Variants in LRRC74A observed in about 807,000 individuals in gnomAD.
LRRC74A encodes leucine rich repeat containing 74A, also known as leucine-rich repeat-containing protein 74A.
Under a neutral mutation model 57.9 loss-of-function variants are expected in LRRC74A, and 44 were observed. The ratio of observed to expected loss-of-function variants is 0.76; its 90% CI spans 0.60 to 0.98. The LOEUF is 0.98. LRRC74A is among the 50% of genes least tolerant of loss of function. LRRC74A has a pLI of 0.00. For synonymous variants in LRRC74A, 211 were observed against 219.4 expected (o/e 0.96, Z 0.34); for missense variants, 572 against 574.0 (o/e 1.00, Z 0.04).
intron 5 of LRRC74A, among the ~76,000 whole-genome samples, chr14:76,843,287 CAAAAAAAAAAAAAAAAA>C (rs59087508): frequency 1.1e-4 from 14 of 130,536 alleles, no homozygotes; most frequent in South Asian, 2.3e-4. Context: ...GACTCCGTCT[CAAAAAAAAAAAAAAAAA>C]AAAAAAAAAA....
In LRRC74A at chr14:76,828,314, C is replaced by A. The variant is rs200189415; in HGVS notation, c.61C>A (p.Arg21=). ...AGATGAGATTGAAATTGAGCCAGTA[C>A]GACAGAGCAGCGATAAAATGCTCTA... ...TEDEIEIEPV[R]QSSDKMLYCE... Residue 21 remains arginine, a synonymous_variant, in exon 2 of 14, where the codon CGA becomes AGA. Transcript: ENST00000689127. The A allele has an allele frequency of 2.1e-5, 33 of 1,606,580 alleles. No individual in the cohort carries two copies. The highest frequency in any genetic ancestry group is 1.7e-4 in the Middle Eastern group (1 of 6,056).
In LRRC74A at chr14:76,870,171, A is replaced by G. The variant is rs186549339; in HGVS notation, c.*22A>G. On this transcript the variant is annotated 3_prime_UTR_variant, in exon 14 of 14. Transcript: ENST00000689127. Reference sequence around the variant, plus strand: ...ATAGCAACAAGTCTGGTCTAGAAAGAAGTCTCGGCGAGAGGAGTCCTCGCA... The same window carrying G: ...ATAGCAACAAGTCTGGTCTAGAAAGGAGTCTCGGCGAGAGGAGTCCTCGCA... The G allele has an allele frequency of 3.8e-5, 61 of 1,607,964 alleles. No homozygotes were observed. In the African/African-American group the frequency reaches 7.5e-4, roughly 20 times the overall value.
At chr14:76,842,328 C>A (rs1030541434) in intron 5 of LRRC74A, among the ~76,000 whole-genome samples, 3 of 151,984 alleles carry the variant, frequency 2.0e-5, no homozygotes, top group Admixed American at 1.3e-4. Flanking sequence ...ATATTTATAT[C>A]TCCTAATTAT....
At chr14:76,829,123 A>C (rs1054124990) in intron 2 of LRRC74A, 4 of 1,289,266 alleles carry the variant, frequency 3.1e-6, no homozygotes, top group Non-Finnish European at 4.0e-6. Flanking sequence ...GAAAGAGAAC[A>C]CTTGTGAAGC....
chr14:76,831,987 A>G (rs943480116), intron 3 of LRRC74A, among the ~76,000 whole-genome samples: 2 of 152,174 alleles, frequency 1.3e-5, no homozygotes, highest in African/African-American at 4.8e-5. Flanking sequence ...AAACCTAACA[A>G]CTGCCTGTCA....
At chr14:76,852,839 G>A (rs1210668804) in intron 8 of LRRC74A, among the ~76,000 whole-genome samples, 1 of 151,998 alleles carries the variant, frequency 6.6e-6, no homozygotes, top group African/African-American at 2.4e-5. Context: ...GGCTGGTCTC[G>A]AACTCCTGAC....
intron 5 of LRRC74A, among the ~76,000 whole-genome samples, chr14:76,843,963 AG>A (rs1357095266): frequency 4.7e-5 from 7 of 149,914 alleles, no homozygotes; most frequent in South Asian, 2.1e-4. Context: ...GGCCTGTAAA[AG>A]TTCTGGGATT....
intron 3 of LRRC74A, among the ~76,000 whole-genome samples, chr14:76,835,067 G>A (rs1896228580): frequency 6.6e-6 from 1 of 152,172 alleles, no homozygotes; most frequent in Non-Finnish European, 1.5e-5. Flanking sequence ...ATCCAAACCT[G>A]TGTCTGTTCT....
chr14:76,866,727 G>A (rs1297356594), intron 12 of LRRC74A, among the ~76,000 whole-genome samples: 6 of 151,520 alleles, frequency 4.0e-5, no homozygotes, highest in African/African-American at 1.5e-4. Context: ...TCCCTCCCCC[G>A]GTCACTCGCT....
At chr14:76,852,740 T>C (rs1442513627) in intron 8 of LRRC74A, among the ~76,000 whole-genome samples, 3 of 151,116 alleles carry the variant, frequency 2.0e-5, no homozygotes, top group Non-Finnish European at 4.4e-5. Flanking sequence ...TGCCTCAGCC[T>C]CCTGAGTAGC....
At chr14:76,837,256 G>A (rs555510936) in intron 4 of LRRC74A, among the ~76,000 whole-genome samples, 1 of 152,308 alleles carries the variant, frequency 6.6e-6, no homozygotes, top group South Asian at 2.1e-4. Context: ...ATGGCTGGCG[G>A]TGATGGTTAC....
Position 76,828,316 on chromosome 14 carries a change from ACAGAG to A in LRRC74A, c.67_71del (p.Ser23ArgfsTer2), listed in dbSNP as rs1419783809. On this transcript the variant is annotated frameshift_variant, in exon 2 of 14. Coordinates refer to ENST00000689127, the MANE Select transcript of LRRC74A (RefSeq NM_001385106.1). LOFTEE classifies it high-confidence loss of function. ...ATGAGATTGAAATTGAGCCAGTACG[ACAGAG>A]CAGCGATAAAATGCTCTACTGTGAG... The A allele has an allele frequency of 6.2e-7, 1 of 1,608,178 alleles. No individual in the cohort carries two copies. The highest frequency in any genetic ancestry group is 8.5e-7 in the Non-Finnish European group (1 of 1,175,024).
rs200822356 is a variant in LRRC74A, at chr14:76,831,298, A to T, written c.262A>T (p.Met88Leu). Residue 88 changes from methionine to leucine, a missense_variant, in exon 3 of 14, where the codon ATG becomes TTG. Physicochemically the swap from Met to Leu is conservative, Grantham distance 15 (BLOSUM62 2). Coordinates refer to ENST00000689127, the MANE Select transcript of LRRC74A (RefSeq NM_001385106.1). ...VVPVSYFIRNMEESYVNLNHH... is the reference protein window; with the variant it reads ...VVPVSYFIRNLEESYVNLNHH... ...GCCTGTCTCCTACTTCATTCGGAAC[A>T]TGGAGGAGTCCTACGTGAACCTCAA... 6.2e-7 allele frequency: 1 copy of T among 1,613,922 alleles called. No homozygotes were observed. The highest frequency in any genetic ancestry group is 8.5e-7 in the Non-Finnish European group (1 of 1,179,896).
chr14:76,832,982 C>A (rs1051562858), intron 3 of LRRC74A, among the ~76,000 whole-genome samples: 2 of 152,170 alleles, frequency 1.3e-5, no homozygotes, highest in Non-Finnish European at 2.9e-5. Context: ...CATTTCTCCC[C>A]TCCCTTCTTC....
At chr14:76,857,307 ATGTAGAAAC>A (rs1238655258) in intron 9 of LRRC74A, 64 bp from the exon 10 acceptor site, 2 of 858,882 alleles carry the variant, frequency 2.3e-6, no homozygotes, top group Non-Finnish European at 3.8e-6. Flanking sequence ...ATTTGATGAG[ATGTAGAAAC>A]TGTGCTCTGG....
chr14:76,851,353 C>A (rs1269222532), intron 7 of LRRC74A, among the ~76,000 whole-genome samples: 2 of 152,152 alleles, frequency 1.3e-5, no homozygotes, highest in Non-Finnish European at 2.9e-5. Context: ...ATAAATAATT[C>A]TTGCTTTTAT....
intron 9 of LRRC74A, among the ~76,000 whole-genome samples, chr14:76,856,584 C>CTGGCTGGA (rs1555368115): frequency 6.7e-6 from 1 of 148,270 alleles, no homozygotes; most frequent in East Asian, 2.0e-4. Context: ...TGCTGGCTGG[C>CTGGCTGGA]TGGATGGATG....
At chr14:76,865,850 C>T in intron 11 of LRRC74A, 118 bp from the exon 12 acceptor site, 4 of 783,200 alleles carry the variant, frequency 5.1e-6, no homozygotes, top group Non-Finnish European at 8.4e-6. Flanking sequence ...GGCCTTCTGC[C>T]CTTTTTAGCC....
chr14:76,862,755 G>A (rs1465458210), intron 11 of LRRC74A, among the ~76,000 whole-genome samples: 1 of 152,124 alleles, frequency 6.6e-6, no homozygotes, highest in East Asian at 1.9e-4. Context: ...TGCCAGCAAA[G>A]GTGCTGAGGT....
Sources: gnomAD v4.1 joint callset for allele counts (sites outside exome capture counted in the v4.1 genomes callset) on GRCh38, gnomAD v4.1.1 for gene constraint, MANE v1.5 for transcripts, NCBI Gene and HGNC (gene_info 2026-07-23, HGNC 2026-07-21) for gene names.